The following IYD variants were observed in gnomAD, a reference collection of about 807,000 sequenced individuals.
IYD encodes iodotyrosine deiodinase, also known as iodotyrosine deiodinase 1.
IYD carries 25 observed loss-of-function variants against 28.4 expected under a neutral mutation model. The observed-to-expected ratio is 0.88, with a 90% CI of 0.64 to 1.23. The LOEUF is 1.23. Among genes scored for constraint, IYD ranks in the 50% most tolerant of loss-of-function variants. The pLI is 0.00. For synonymous variants in IYD, 140 were observed against 130.8 expected (o/e 1.07, Z -0.48); for missense variants, 352 against 357.9 (o/e 0.98, Z 0.13).
intron 1 of IYD, among the ~76,000 whole-genome samples, chr6:150,376,388 G>T (rs1402825174): frequency 2.0e-5 from 3 of 152,170 alleles, no homozygotes; most frequent in Non-Finnish European, 4.4e-5. Context: ...CTTCATAGGG[G>T]ATGAGGGGAT....
rs1338848506 is a variant in IYD, at chr6:150,402,581, G to A, written c.*4344G>A. 1 of 152,196 alleles carries A rather than the reference G, an allele frequency of 6.6e-6. No homozygotes were observed. The highest frequency in any genetic ancestry group is 1.5e-5 in the Non-Finnish European group (1 of 68,040). 9.4% of individuals were successfully genotyped at this position (152,196 alleles called of 1,614,324 possible). On this transcript the variant is annotated 3_prime_UTR_variant, in exon 5 of 5. Coordinates refer to ENST00000344419, the MANE Select transcript of IYD (RefSeq NM_203395.3). The stretch of plus-strand genomic sequence containing the variant: ...GTGAAATCAGAATAGGACAGTGAAA[G>A]GCATAAAGATTTTCTTCTGAAACGC...
intron 1 of IYD, among the ~76,000 whole-genome samples, chr6:150,375,413 A>G (rs1326948124): frequency 6.6e-6 from 1 of 152,170 alleles, no homozygotes; most frequent in African/African-American, 2.4e-5. Flanking sequence ...GGCATCAGCT[A>G]TTTCACTGGA....
chr6:150,395,634 C>G (rs1171734787), intron 4 of IYD: 1 of 1,248,846 alleles, frequency 8.0e-7, no homozygotes, highest in South Asian at 1.3e-5. Flanking sequence ...TTTCATAAGG[C>G]ATAATCCCGA....
Position 150,402,393 on chromosome 6 carries a change from A to C in IYD, c.*4156A>C, listed in dbSNP as rs552219630. 10 of 152,372 alleles carry C rather than the reference A, an allele frequency of 6.6e-5. No homozygotes were observed. Among genetic ancestry groups the C allele is most frequent in the African/African-American group, 2.4e-4 (10 of 41,586 alleles). 9.4% of individuals were successfully genotyped at this position (152,372 alleles called of 1,614,324 possible). Reference sequence around the variant, plus strand: ...CATGTGACCTCACAGGAGGTGGAGCAGTGTCGTCAATGTTATCATCCCCCT... The same window carrying C: ...CATGTGACCTCACAGGAGGTGGAGCCGTGTCGTCAATGTTATCATCCCCCT... On this transcript the variant is annotated 3_prime_UTR_variant, in exon 5 of 5. Coordinates refer to ENST00000344419, the MANE Select transcript of IYD (RefSeq NM_203395.3).
chr6:150,370,022 G>A lies in IYD; in HGVS notation c.178+813G>A, dbSNP rs1777161978. Reference sequence around the variant, plus strand: ...GTGATGAAGGAGGCAGGTAGGAAGGGAGAGAGCGTGGAGGAAGCTTGAGCC... The same window carrying A: ...GTGATGAAGGAGGCAGGTAGGAAGGAAGAGAGCGTGGAGGAAGCTTGAGCC... On this transcript the variant is annotated intron_variant, in intron 1 of 4. Coordinates refer to ENST00000344419, the MANE Select transcript of IYD (RefSeq NM_203395.3). The A allele has an allele frequency of 5.7e-6, 4 of 702,176 alleles. No homozygotes were observed. In the East Asian group the frequency reaches 1.1e-4, roughly 19 times the overall value. The allele number at this position is 702,176 out of a possible 1,614,324, so 43.5% of individuals were successfully genotyped here. A position where few individuals can be genotyped will look rare whatever the true frequency, so the allele number is the denominator to read the frequency against.
chr6:150,372,029 C>T lies in IYD; in HGVS notation c.178+2820C>T, dbSNP rs972069800. Among the ~76,000 whole-genome samples, 3 of 152,154 alleles carry T rather than the reference C, an allele frequency of 2.0e-5. 1 individual carries two copies. The South Asian group carries it at 6.2e-4, about 32-fold the overall frequency. On this transcript the variant is annotated intron_variant, in intron 1 of 4. Coordinates refer to ENST00000344419, the MANE Select transcript of IYD (RefSeq NM_203395.3). The stretch of plus-strand genomic sequence containing the variant: ...AGCAGGAGCTAACTGGAGAAGAGAA[C>T]GGACTCCTTTACTGAAGACACATGG...
chr6:150,405,610 A>G lies in IYD; in HGVS notation c.*7373A>G, dbSNP rs2008273. The G allele has an allele frequency of 0.21, 31,890 of 152,096 alleles. 4,024 individuals are homozygous for G. The highest frequency in any genetic ancestry group is 0.58 in the East Asian group (2,969 of 5,154). 9.4% of individuals were successfully genotyped at this position (152,096 alleles called of 1,614,324 possible). On this transcript the variant is annotated 3_prime_UTR_variant, in exon 5 of 5. Transcript: ENST00000344419. Reference sequence around the variant, plus strand: ...GGTGACAGGAAGCAGAAGAATGACAACTGAGTGAATGGGGAAACCCCTTAT... The same window carrying G: ...GGTGACAGGAAGCAGAAGAATGACAGCTGAGTGAATGGGGAAACCCCTTAT...
intron 1 of IYD, among the ~76,000 whole-genome samples, chr6:150,378,987 G>A (rs1777552553): frequency 6.6e-6 from 1 of 152,122 alleles, no homozygotes; most frequent in South Asian, 2.1e-4. Context: ...GCTCCAAATG[G>A]GATCTCACCT....
chr6:150,387,444 A>AT (rs1777912203), intron 1 of IYD, among the ~76,000 whole-genome samples: 1 of 149,838 alleles, frequency 6.7e-6, no homozygotes, highest in African/African-American at 2.5e-5. Flanking sequence ...AAAAAAAAAA[A>AT]AAAAGAATTT....
chr6:150,379,954 G>A (rs959708470), intron 1 of IYD, among the ~76,000 whole-genome samples: 6 of 152,308 alleles, frequency 3.9e-5, no homozygotes, highest in African/African-American at 1.4e-4. Context: ...TGCTATGCAT[G>A]TTAGAATAAT....
intron 4 of IYD, among the ~76,000 whole-genome samples, chr6:150,397,385 A>G (rs1356429567): frequency 6.6e-6 from 1 of 152,012 alleles, no homozygotes; most frequent in Non-Finnish European, 1.5e-5. Flanking sequence ...CCTGGGCAAT[A>G]TGGCAAAACC....
At chr6:150,386,108 T>C (rs1777853315) in intron 1 of IYD, among the ~76,000 whole-genome samples, 1 of 152,008 alleles carries the variant, frequency 6.6e-6, no homozygotes, top group Admixed American at 6.5e-5. Context: ...TTGTTGTTGT[T>C]TTCCTTAATA....
At position 150,404,328 on chromosome 6, in the gene IYD, T is replaced by C. The variant is rs1386072041; in HGVS notation, c.*6091T>C. 6.6e-6 allele frequency: 1 copy of C among 152,234 alleles called. No homozygotes were observed. The highest frequency in any genetic ancestry group is 2.4e-5 in the African/African-American group (1 of 41,466). The allele number at this position is 152,234 out of a possible 1,614,324, so 9.4% of individuals were successfully genotyped here. ...GTGTATGCTCCTTAAGTGATTTGAA[T>C]CTTTAAAAAGCTTATGATTCCAATT... is the stretch of plus-strand genomic sequence containing the variant. On this transcript the variant is annotated 3_prime_UTR_variant, in exon 5 of 5. Transcript: ENST00000344419.
rs657972 is a variant in IYD, at chr6:150,400,265, T to C, written c.*2028T>C. ...GTTATCAATCTGATCTGCAGCCAGG[T>C]TATTTACTTCTGAAGCATTGGAGTT... On this transcript the variant is annotated 3_prime_UTR_variant, in exon 5 of 5. Transcript: ENST00000344419. 0.66 allele frequency: 100,939 copies of C among 152,142 alleles called. 34,669 individuals carry two copies. The highest frequency in any genetic ancestry group is 0.77 in the Non-Finnish European group (52,182 of 67,996). The allele number at this position is 152,142 out of a possible 1,614,324, so 9.4% of individuals were successfully genotyped here.
intron 1 of IYD, among the ~76,000 whole-genome samples, chr6:150,385,726 G>A (rs1390079382): frequency 6.6e-6 from 1 of 151,782 alleles, no homozygotes; most frequent in African/African-American, 2.4e-5. Context: ...GAGTTGGAGG[G>A]TGTTTACTCT....
In IYD at chr6:150,404,711, TTTTA is replaced by T. The variant is rs1441094859; in HGVS notation, c.*6482_*6485del. 6.6e-6 allele frequency: 1 copy of T among 152,210 alleles called. No individual in the cohort carries two copies. Among genetic ancestry groups the T allele is most frequent in the Non-Finnish European group, 1.5e-5 (1 of 68,034 alleles). 9.4% of individuals were successfully genotyped at this position (152,210 alleles called of 1,614,324 possible). On this transcript the variant is annotated 3_prime_UTR_variant, in exon 5 of 5. Transcript: ENST00000344419. ...AGCCCCCCTTCCCCAAAGAGATTTG[TTTTA>T]TTTATTTGTTTACTAGTTTTATAAA... is the stretch of plus-strand genomic sequence containing the variant.
At chr6:150,374,529 G>A (rs1012863509) in intron 1 of IYD, among the ~76,000 whole-genome samples, 3 of 152,190 alleles carry the variant, frequency 2.0e-5, no homozygotes, top group African/African-American at 2.4e-5. Flanking sequence ...CATAGCCTAC[G>A]TGGTGGCAGG....
rs755984631 is a variant in IYD, at chr6:150,398,043, C to T, written c.688-12C>T. 2 of 1,613,794 alleles carry T rather than the reference C, an allele frequency of 1.2e-6. No individual in the cohort carries two copies. Among genetic ancestry groups the T allele is most frequent in the Middle Eastern group, 1.6e-4 (1 of 6,062 alleles). ...GCTGACTTTAAAATGCTTTCTTGTC[C>T]TCTTATTTTAGAATGCAGGTCTGGT... is the stretch of plus-strand genomic sequence containing the variant. On this transcript the variant is annotated splice_polypyrimidine_tract_variant and intron_variant, in intron 4 of 4. Transcript: ENST00000344419.
chr6:150,395,149 T>C (rs536680072), intron 4 of IYD, among the ~76,000 whole-genome samples: 285 of 152,310 alleles, frequency 1.9e-3, no homozygotes, highest in African/African-American at 6.4e-3. Context: ...TGGCAGTTCC[T>C]GGGAGCCACT....
Sources: gnomAD v4.1 joint callset for allele counts (sites outside exome capture counted in the v4.1 genomes callset) on GRCh38, gnomAD v4.1.1 for gene constraint, MANE v1.5 for transcripts, NCBI Gene and HGNC (gene_info 2026-07-23, HGNC 2026-07-21) for gene names.